CCDC171: variants seen among roughly 807,000 people sequenced by gnomAD.
CCDC171 encodes coiled-coil domain containing 171, also known as coiled-coil domain-containing protein 171.
CCDC171 carries 177 observed loss-of-function variants against 168.2 expected under a neutral mutation model. The ratio of observed to expected loss-of-function variants is 1.05; its 90% CI spans 0.93 to 1.19. The LOEUF (loss-of-function observed/expected upper bound fraction) is 1.19, where lower values mean the gene tolerates loss of function less well. CCDC171 is among the 50% of genes most tolerant of loss of function. The pLI is 0.00. For missense variants in CCDC171, 1,991 were observed against 1,539.0 expected (o/e 1.29, Z -4.91); for synonymous variants, 687 against 540.8 (o/e 1.27, Z -3.75).
At chr9:15,725,015 T>A in intron 14 of CCDC171, 39 bp downstream of exon 14, 1 of 1,429,282 alleles carries the variant, frequency 7.0e-7, no homozygotes, top group South Asian at 1.1e-5. Context: ...GAAGGGCCTT[T>A]CACTAATCTC....
intron 6 of CCDC171, among the ~76,000 whole-genome samples, chr9:15,600,845 C>A (rs1480509749): frequency 6.6e-6 from 1 of 152,230 alleles, no homozygotes; most frequent in African/African-American, 2.4e-5. Context: ...GCGGGCGTCC[C>A]TCCCCCAGCC....
chr9:15,680,709 T>G (rs1288990894), intron 10 of CCDC171, among the ~76,000 whole-genome samples: 1 of 152,218 alleles, frequency 6.6e-6, no homozygotes, highest in Non-Finnish European at 1.5e-5. Context: ...ATCTGTTCAC[T>G]GTAATGTTAT....
Position 15,920,350 on chromosome 9 carries a change from T to A in CCDC171, c.3681T>A (p.His1227Gln), listed in dbSNP as rs572228114. 197 of 1,609,522 alleles carry A rather than the reference T, an allele frequency of 1.2e-4. 3 individuals are homozygous for A. In the South Asian group the frequency reaches 2.1e-3, roughly 17 times the overall value. Residue 1227 changes from histidine (H) to glutamine (Q), a missense_variant, in exon 25 of 26, where the codon CAT becomes CAA. By Grantham distance (24) the His-to-Gln change is conservative (BLOSUM62 0). Coordinates refer to ENST00000380701, the MANE Select transcript of CCDC171 (RefSeq NM_173550.4). ...CATTAGAGAAGGAAATGACATCTCA[T>A]CGAAGTCACATTGCAGCCTTGAAAT... ...IMTLEKEMTS[H>Q]RSHIAALKSE...
At chr9:15,610,444 TAAAAAAAAAAAAAAAAAAAAAAA>T (rs754593075) in intron 6 of CCDC171, among the ~76,000 whole-genome samples, 15 of 12,700 alleles carry the variant, frequency 1.2e-3, no homozygotes, top group African/African-American at 3.6e-3. Context: ...CCATCTCAAC[TAAAAAAAAAAAAAAAAAAAAAAA>T]AAAAAAAAAA....
chr9:15,590,769 T>TTCTCTTTC (rs2041922232), intron 4 of CCDC171, among the ~76,000 whole-genome samples: 1 of 104,590 alleles, frequency 9.6e-6, no homozygotes, highest in Non-Finnish European at 2.0e-5. Context: ...CTTTCTTTCT[T>TTCTCTTTC]TCTCTTTCTT....
chr9:15,761,165 TG>T (rs2135085535), intron 18 of CCDC171, among the ~76,000 whole-genome samples: 1 of 152,316 alleles, frequency 6.6e-6, no homozygotes, highest in South Asian at 2.1e-4. Flanking sequence ...ACATTTCCTG[TG>T]TAATTACGTC....
chr9:16,003,267 T>C lies in CCDC171; in HGVS notation n.369-17322T>C, dbSNP rs926466892. Among the ~76,000 whole-genome samples, 7 of 152,334 alleles carry C rather than the reference T, an allele frequency of 4.6e-5. No homozygotes were observed. In the East Asian group the frequency reaches 1.4e-3, roughly 29 times the overall value. ...TCTCGAATAATATCCACATTGAAGGTGATGGGACTAGATGATTTCTAAGGT... is the reference window on the plus strand; with the variant it reads ...TCTCGAATAATATCCACATTGAAGGCGATGGGACTAGATGATTTCTAAGGT... On this transcript the variant is annotated intron_variant and non_coding_transcript_variant, in intron 3 of 9. Transcript: ENST00000486641.
chr9:16,021,554 G>A (rs930089243), intron 4 of CCDC171, among the ~76,000 whole-genome samples: 4 of 152,168 alleles, frequency 2.6e-5, no homozygotes, highest in Non-Finnish European at 5.9e-5. Flanking sequence ...CAGTTTCTGC[G>A]ACTTGCTAGA....
At chr9:15,750,147 A>G (rs150098620) in intron 18 of CCDC171, among the ~76,000 whole-genome samples, 1 of 152,292 alleles carries the variant, frequency 6.6e-6, no homozygotes, top group East Asian at 1.9e-4. Flanking sequence ...ATCACCACTG[A>G]TCCCATACAA....
At chr9:15,964,686 A>G (rs527706482) in intron 25 of CCDC171, among the ~76,000 whole-genome samples, 9 of 152,320 alleles carry the variant, frequency 5.9e-5, no homozygotes, top group Admixed American at 5.2e-4. Flanking sequence ...AGAAAATGGG[A>G]CATATTGTCT....
chr9:16,054,076 G>A (rs1436964227), intron 1 of CCDC171, among the ~76,000 whole-genome samples: 3 of 152,160 alleles, frequency 2.0e-5, no homozygotes, highest in Non-Finnish European at 4.4e-5. Flanking sequence ...TCCGGGTTCA[G>A]CGCTCCTTTT....
downstream of CCDC171, among the ~76,000 whole-genome samples, chr9:16,066,066 C>G (rs1043391153): frequency 2.0e-5 from 3 of 152,174 alleles, no homozygotes; most frequent in African/African-American, 7.2e-5. Flanking sequence ...CACTGTCTCC[C>G]TAATGCTGTC....
the CCDC171 span, among the ~76,000 whole-genome samples, chr9:16,097,537 C>G: frequency 6.6e-6 from 1 of 152,180 alleles, no homozygotes; most frequent in South Asian, 2.1e-4. Flanking sequence ...TGAAGCTACA[C>G]AGCTAGTGTG....
At chr9:16,071,580 G>A in the CCDC171 span, among the ~76,000 whole-genome samples, 3 of 152,192 alleles carry the variant, frequency 2.0e-5, no homozygotes, top group South Asian at 2.1e-4. Flanking sequence ...CCACATGTGC[G>A]TCATGCACAA....
rs941703587 is a variant in CCDC171, at chr9:15,941,304, G to A, written c.3753+20882G>A. Reference sequence around the variant, plus strand: ...GTTAGTGTATTGGTTAATGGAGCTCGCCGGTAGCGATTCAATACTTGGTTA... The same window carrying A: ...GTTAGTGTATTGGTTAATGGAGCTCACCGGTAGCGATTCAATACTTGGTTA... On this transcript the variant is annotated intron_variant, in intron 25 of 25. Coordinates refer to ENST00000380701, the MANE Select transcript of CCDC171 (RefSeq NM_173550.4). Among the ~76,000 whole-genome samples the A allele has an allele frequency of 4.6e-5, 7 of 151,944 alleles. No homozygotes were observed. The South Asian group carries it at 6.2e-4, about 13-fold the overall frequency.
At chr9:15,799,025 T>C (rs1193257435) in intron 21 of CCDC171, among the ~76,000 whole-genome samples, 1 of 151,288 alleles carries the variant, frequency 6.6e-6, no homozygotes, top group Non-Finnish European at 1.5e-5. Flanking sequence ...GATTTCAATT[T>C]TACCTGTATT....
At chr9:15,742,077 C>CT (rs5896677) in intron 16 of CCDC171, among the ~76,000 whole-genome samples, 55,303 of 151,736 alleles carry the variant, frequency 0.36, 12,558 homozygotes, top group East Asian at 0.65. Flanking sequence ...CTGTAATTTT[C>CT]TTTTTTTTCT....
chr9:16,023,365 C>A (rs1833212705), intron 6 of CCDC171, among the ~76,000 whole-genome samples: 1 of 152,152 alleles, frequency 6.6e-6, no homozygotes, highest in East Asian at 1.9e-4. Context: ...AAGAATTTTT[C>A]TCAAATTTAT....
the CCDC171 span, among the ~76,000 whole-genome samples, chr9:16,105,305 G>A: frequency 6.6e-6 from 1 of 152,184 alleles, no homozygotes; most frequent in African/African-American, 2.4e-5. Flanking sequence ...CTAACAAGTT[G>A]ATGGTACCTA....
Sources: allele counts gnomAD v4.1 joint callset (sites outside exome capture counted in the v4.1 genomes callset), GRCh38; gene constraint gnomAD v4.1.1; transcripts MANE v1.5; gene names NCBI Gene and HGNC (gene_info 2026-07-23, HGNC 2026-07-21).